RTL9: variants seen among roughly 807,000 people sequenced by gnomAD.
RTL9 encodes the protein retrotransposon Gag like 9.
A neutral mutation model predicts 44.7 loss-of-function variants in RTL9; 19 were observed. That is an observed-to-expected ratio of 0.42 (90% CI 0.30 to 0.62). The LOEUF (loss-of-function observed/expected upper bound fraction) is 0.62, where lower values mean the gene tolerates loss of function less well. Ranked by LOEUF, RTL9 falls within the 20% of genes least tolerant of loss-of-function variation. The probability of loss-of-function intolerance (pLI) is 0.16; values close to 1 mark genes in which losing one functional copy is unlikely to be tolerated. For missense variants in RTL9, 1,105 were observed against 1,080.6 expected, an observed-to-expected ratio of 1.02 and a Z score of -0.32; for synonymous variants, 407 against 398.9, an observed-to-expected ratio of 1.02 and a Z score of -0.24.
intron 1 of RTL9, among the ~76,000 whole-genome samples, chrX:110,404,575 A>G (rs1013405495): frequency 8.9e-6 from 1 of 112,244 alleles, no homozygotes; most frequent in African/African-American, 3.2e-5. Context: ...AACAGGTAAC[A>G]CATGCAGTAG....
upstream of RTL9, among the ~76,000 whole-genome samples, chrX:110,416,161 G>A (rs1038218460): frequency 9.0e-6 from 1 of 111,253 alleles, no homozygotes; most frequent in African/African-American, 3.3e-5. Flanking sequence ...GACTGTTATT[G>A]TTCTCATGGT....
At chrX:110,393,738 G>T (rs190283502) in intron 1 of RTL9, among the ~76,000 whole-genome samples, 1 of 112,364 alleles carries the variant, frequency 8.9e-6, no homozygotes, top group East Asian at 2.8e-4. Context: ...CGTTAATGGG[G>T]AAAATTTGGT....
chrX:110,376,257 A>T (rs2068375833), intron 1 of RTL9, among the ~76,000 whole-genome samples: 1 of 111,315 alleles, frequency 9.0e-6, no homozygotes, highest in African/African-American at 3.3e-5. Flanking sequence ...TCTCATCACT[A>T]GAAGCAGGAT....
At chrX:110,401,324 G>C (rs1047816292) in intron 1 of RTL9, among the ~76,000 whole-genome samples, 1 of 110,919 alleles carries the variant, frequency 9.0e-6, no homozygotes, top group Non-Finnish European at 1.9e-5. Flanking sequence ...AGTGTGTCTC[G>C]GGGACTCAGT....
intron 1 of RTL9, among the ~76,000 whole-genome samples, chrX:110,364,398 T>C (rs780400001): frequency 9.0e-6 from 1 of 111,718 alleles, no homozygotes; most frequent in African/African-American, 3.2e-5. Context: ...CAACCCACTA[T>C]GTATAGCCTA....
intron 1 of RTL9, among the ~76,000 whole-genome samples, chrX:110,381,957 G>T (rs369300136): frequency 1.7e-4 from 19 of 111,187 alleles, no homozygotes; most frequent in African/African-American, 6.2e-4. Flanking sequence ...TCAGCATCAT[G>T]CAGTACACCC....
At chrX:110,383,723 T>C (rs2068435885) in intron 1 of RTL9, among the ~76,000 whole-genome samples, 1 of 112,192 alleles carries the variant, frequency 8.9e-6, no homozygotes, top group African/African-American at 3.2e-5. Flanking sequence ...CTATTGCCTC[T>C]TCTGGGAACT....
chrX:110,449,089 G>A (rs1023498671), upstream of RTL9, among the ~76,000 whole-genome samples: 1 of 110,503 alleles, frequency 9.0e-6, no homozygotes, highest in Non-Finnish European at 1.9e-5. Context: ...CAGGGGTCTC[G>A]GTAGTGTGAC....
exon 1 of RTL9, chrX:110,451,993 C>A (rs778886942): frequency 8.3e-7 from 1 of 1,211,903 alleles, no homozygotes; most frequent in Non-Finnish European, 1.1e-6. Context: ...TCAGCCACAG[C>A]CTCTAGAGTA....
chrX:110,397,187 C>A (rs972539255), intron 1 of RTL9, among the ~76,000 whole-genome samples: 7 of 111,122 alleles, frequency 6.3e-5, no homozygotes, highest in African/African-American at 2.3e-4. Context: ...AGATGCTTGG[C>A]TCTCCTGAGC....
At chrX:110,367,973 A>AATTATTATTATT (rs201193443) in intron 1 of RTL9, among the ~76,000 whole-genome samples, 397 of 85,317 alleles carry the variant, frequency 4.7e-3, no homozygotes, top group East Asian at 6.4e-3. Flanking sequence ...AGTGCTGGCT[A>AATTATTATTATT]ATTATTATTA....
intron 1 of RTL9, among the ~76,000 whole-genome samples, chrX:110,424,844 G>A (rs1226036880): frequency 3.6e-5 from 4 of 111,710 alleles, no homozygotes; most frequent in Non-Finnish European, 7.5e-5. Context: ...AATCTCTCTG[G>A]GCTTCTGTTT....
chrX:110,392,205 A>G (rs1167964704), intron 1 of RTL9, among the ~76,000 whole-genome samples: 7 of 110,951 alleles, frequency 6.3e-5, no homozygotes, highest in East Asian at 5.6e-4. Context: ...TCAAATGTAC[A>G]TGGGAGAAAA....
At chrX:110,360,628 C>G (rs1438767353) in intron 1 of RTL9, among the ~76,000 whole-genome samples, 1 of 111,704 alleles carries the variant, frequency 9.0e-6, no homozygotes, top group Non-Finnish European at 1.9e-5. Context: ...TAAGCAAATG[C>G]TTATGAATAG....
intron 1 of RTL9, among the ~76,000 whole-genome samples, chrX:110,428,694 C>A (rs989680910): frequency 2.7e-5 from 3 of 111,158 alleles, no homozygotes; most frequent in Non-Finnish European, 3.8e-5. Context: ...GTCTGCAGGG[C>A]AAATATCAAA....
intron 1 of RTL9, among the ~76,000 whole-genome samples, chrX:110,384,823 TGA>T (rs1007231018): frequency 1.8e-5 from 2 of 110,921 alleles, no homozygotes; most frequent in African/African-American, 6.6e-5. Context: ...ATACCCTTCC[TGA>T]AATGGGCAGA....
chrX:110,443,652 C>G (rs1194233154), intron 1 of RTL9, among the ~76,000 whole-genome samples: 1 of 112,175 alleles, frequency 8.9e-6, no homozygotes, highest in Non-Finnish European at 1.9e-5. Context: ...TTTGAGAGAA[C>G]AGAAGATTGG....
At chrX:110,395,531 C>G (rs759195338) in intron 1 of RTL9, among the ~76,000 whole-genome samples, 1 of 112,637 alleles carries the variant, frequency 8.9e-6, no homozygotes, top group Non-Finnish European at 1.9e-5. Flanking sequence ...GAAGAGGATA[C>G]AAAAGCTCAG....
intron 1 of RTL9, among the ~76,000 whole-genome samples, chrX:110,362,636 C>G (rs1046686808): frequency 3.6e-5 from 4 of 111,750 alleles, no homozygotes; most frequent in African/African-American, 1.3e-4. Context: ...TCATGTACTC[C>G]TAATGGTAAG....
Sources: allele counts gnomAD v4.1 joint callset (sites outside exome capture counted in the v4.1 genomes callset), GRCh38; gene constraint gnomAD v4.1.1; transcripts MANE v1.5; gene names NCBI Gene and HGNC (gene_info 2026-07-23, HGNC 2026-07-21).